PRKG1: variants seen among roughly 807,000 people sequenced by gnomAD.
PRKG1 encodes protein kinase cGMP-dependent 1, also known as cGMP-dependent protein kinase 1.
PRKG1 carries 35 observed loss-of-function variants against 88.1 expected under a neutral mutation model. The observed-to-expected ratio is 0.40, with a 90% CI of 0.30 to 0.53. The LOEUF (loss-of-function observed/expected upper bound fraction) is 0.53, where lower values mean the gene tolerates loss of function less well. PRKG1 is among the 20% of genes least tolerant of loss of function. PRKG1 has a pLI of 0.59. For synonymous variants in PRKG1, 303 were observed against 292.5 expected (o/e 1.04, Z -0.37); for missense variants, 540 against 839.8 (o/e 0.64, Z 4.41).
At position 51,374,112 on chromosome 10, in the gene PRKG1, A is replaced by G. The variant is rs914613508; in HGVS notation, c.479-93611A>G. On this transcript the variant is annotated intron_variant, in intron 2 of 17. Coordinates refer to ENST00000373980, the MANE Select transcript of PRKG1 (RefSeq NM_006258.4). ...AAAAAAAATATATATATATATATAT[A>G]TGTACTTTAAGTTCTGGGATACATG... is the stretch of plus-strand genomic sequence containing the variant. 5.6e-4 allele frequency among the ~76,000 whole-genome samples: 81 copies of G among 143,802 alleles called. 3 individuals carry two copies. The highest frequency in any genetic ancestry group is 1.9e-3 in the African/African-American group (74 of 39,720). 94.3% of individuals were successfully genotyped at this position (143,802 alleles called of 152,430 possible).
intron 3 of PRKG1, among the ~76,000 whole-genome samples, chr10:51,561,164 A>T (rs1016444210): frequency 6.6e-6 from 1 of 152,016 alleles, no homozygotes; most frequent in Middle Eastern, 3.2e-3. Context: ...TGGTGGATAC[A>T]GTCTATCTGG....
At chr10:51,513,798 C>T (rs1213564404) in intron 3 of PRKG1, among the ~76,000 whole-genome samples, 4 of 50,040 alleles carry the variant, frequency 8.0e-5, no homozygotes, top group African/African-American at 2.9e-4. Context: ...TTGAAACCAA[C>T]GAGAACAAAG....
At chr10:51,601,500 C>T (rs1838598724) in intron 3 of PRKG1, among the ~76,000 whole-genome samples, 2 of 152,216 alleles carry the variant, frequency 1.3e-5, no homozygotes, top group South Asian at 4.1e-4. Context: ...TGTTTTGGTT[C>T]CACCCGGCAG....
At chr10:51,338,054 G>C (rs1411124200) in intron 2 of PRKG1, among the ~76,000 whole-genome samples, 13 of 152,052 alleles carry the variant, frequency 8.5e-5, no homozygotes, top group Non-Finnish European at 5.9e-5. Context: ...ATACACCATA[G>C]AATACTATGC....
chr10:51,796,130 A>G (rs1275501964), intron 3 of PRKG1, among the ~76,000 whole-genome samples: 1 of 152,126 alleles, frequency 6.6e-6, no homozygotes, highest in Admixed American at 6.6e-5. Context: ...TTCAATTCAG[A>G]GTATATTTGA....
chr10:51,577,003 A>T (rs968624871), intron 3 of PRKG1, among the ~76,000 whole-genome samples: 16 of 151,816 alleles, frequency 1.1e-4, no homozygotes, highest in African/African-American at 2.9e-4. Context: ...ATACTTTTTT[A>T]AAAAATAGAA....
chr10:51,134,228 A>G (rs538861069), intron 1 of PRKG1, among the ~76,000 whole-genome samples: 1 of 152,294 alleles, frequency 6.6e-6, no homozygotes, highest in African/African-American at 2.4e-5. Flanking sequence ...CCAGATGAGA[A>G]ATTTTGCAAA....
Position 51,041,884 on chromosome 10 carries a change from A to G in PRKG1, c.266+50240A>G, listed in dbSNP as rs376739681. On this transcript the variant is annotated intron_variant, in intron 1 of 17. Transcript: ENST00000401604. ...ACAATCATTGCAAGACAGTAACTGA[A>G]GTCTGCAAGTCTGGGAGTTTTCAAG... 3.9e-4 allele frequency among the ~76,000 whole-genome samples: 60 copies of G among 152,318 alleles called. 1 individual carries two copies. The South Asian group carries it at 0.011, about 28-fold the overall frequency.
intron 3 of PRKG1, among the ~76,000 whole-genome samples, chr10:51,683,469 G>A (rs986561489): frequency 6.6e-6 from 1 of 152,222 alleles, no homozygotes; most frequent in Non-Finnish European, 1.5e-5. Context: ...AGGTCATAGT[G>A]CTGGCTTTTG....
chr10:51,334,538 C>T lies in PRKG1; in HGVS notation c.479-133185C>T, dbSNP rs137947079. Among the ~76,000 whole-genome samples the T allele has an allele frequency of 1.3e-4, 20 of 152,312 alleles. No individual in the cohort carries two copies. In the East Asian group the frequency reaches 3.5e-3, roughly 26 times the overall value. On this transcript the variant is annotated intron_variant, in intron 2 of 17. Coordinates refer to ENST00000373980, the MANE Select transcript of PRKG1 (RefSeq NM_006258.4). ...GTAATGGCTTCTTGCAGAACCTCTT[C>T]AGCACCACTGTATTTCAAGCAATCT...
intron 1 of PRKG1, among the ~76,000 whole-genome samples, chr10:51,067,951 C>G (rs1843774703): frequency 6.6e-6 from 1 of 152,050 alleles, no homozygotes; most frequent in Non-Finnish European, 1.5e-5. Flanking sequence ...AAAATCCAGT[C>G]TAGACCATGA....
At chr10:51,544,364 G>T (rs532152544) in intron 3 of PRKG1, among the ~76,000 whole-genome samples, 2 of 152,072 alleles carry the variant, frequency 1.3e-5, no homozygotes, top group African/African-American at 4.8e-5. Flanking sequence ...CTTCATCCAC[G>T]TCCCTACAAA....
intron 4 of PRKG1, among the ~76,000 whole-genome samples, chr10:51,865,640 A>C (rs1385389728): frequency 6.6e-6 from 1 of 152,050 alleles, no homozygotes; most frequent in African/African-American, 2.4e-5. Flanking sequence ...ATATATTTTT[A>C]ATGGCATTAA....
intron 4 of PRKG1, among the ~76,000 whole-genome samples, chr10:51,906,930 A>T (rs1415178920): frequency 6.6e-6 from 1 of 152,176 alleles, no homozygotes; most frequent in Non-Finnish European, 1.5e-5. Context: ...GGAATTTGGT[A>T]TCTTATTTCT....
At chr10:52,140,813 A>G (rs1350088976) in intron 8 of PRKG1, among the ~76,000 whole-genome samples, 2 of 151,190 alleles carry the variant, frequency 1.3e-5, no homozygotes, top group Non-Finnish European at 3.0e-5. Flanking sequence ...CATGCACCCA[A>G]TGGTGATTTG....
chr10:51,621,965 T>C (rs1247950836), intron 3 of PRKG1, among the ~76,000 whole-genome samples: 1 of 152,232 alleles, frequency 6.6e-6, no homozygotes, highest in Non-Finnish European at 1.5e-5. Flanking sequence ...TTGAAATGTT[T>C]GAAATACAAC....
chr10:51,577,102 C>T (rs1837908430), intron 3 of PRKG1, among the ~76,000 whole-genome samples: 1 of 151,924 alleles, frequency 6.6e-6, no homozygotes, highest in South Asian at 2.1e-4. Context: ...TGTTATAGTA[C>T]AGTGTGGATT....
chr10:51,672,625 A>G (rs1000702843), intron 3 of PRKG1, among the ~76,000 whole-genome samples: 1 of 152,082 alleles, frequency 6.6e-6, no homozygotes, highest in Non-Finnish European at 1.5e-5. Flanking sequence ...ATGTGGGATC[A>G]TATTTGATTG....
At chr10:51,659,821 T>C (rs962299332) in intron 3 of PRKG1, among the ~76,000 whole-genome samples, 5 of 152,082 alleles carry the variant, frequency 3.3e-5, no homozygotes, top group African/African-American at 1.2e-4. Context: ...TTGTTAGTTT[T>C]TGAAATGTCT....
Sources: allele counts gnomAD v4.1 joint callset (sites outside exome capture counted in the v4.1 genomes callset), GRCh38; gene constraint gnomAD v4.1.1; transcripts MANE v1.5; gene names NCBI Gene and HGNC (gene_info 2026-07-23, HGNC 2026-07-21).